Variants in DEPTOR observed in about 807,000 individuals in gnomAD.
DEPTOR encodes the protein DEP domain containing MTOR interacting protein.
Under a neutral mutation model 41.6 loss-of-function variants are expected in DEPTOR, and 41 were observed. The observed-to-expected ratio is 0.98, with a 90% CI of 0.77 to 1.28. The LOEUF is 1.28. DEPTOR is among the 50% of genes most tolerant of loss of function. The pLI is 0.00. For synonymous variants in DEPTOR, 195 were observed against 192.3 expected (o/e 1.01, Z -0.12); for missense variants, 514 against 527.9 (o/e 0.97, Z 0.26).
At chr8:119,900,896 C>A (rs1387877898) in intron 1 of DEPTOR, among the ~76,000 whole-genome samples, 1 of 152,140 alleles carries the variant, frequency 6.6e-6, no homozygotes, top group Non-Finnish European at 1.5e-5. Context: ...TCTATTTTTG[C>A]AACTCCCACA....
At chr8:119,991,084 TTCTTTTTCTTTC>T (rs1335835262) in intron 4 of DEPTOR, among the ~76,000 whole-genome samples, 73 of 75,684 alleles carry the variant, frequency 9.6e-4, no homozygotes, top group African/African-American at 2.9e-3. Context: ...CTTTCTTTCT[TTCTTTTTCTTTC>T]TTTCTTTCTT....
At chr8:119,903,612 A>C in intron 1 of DEPTOR, among the ~76,000 whole-genome samples, 1 of 152,146 alleles carries the variant, frequency 6.6e-6, no homozygotes, top group East Asian at 1.9e-4. Context: ...TTGGTATTAG[A>C]TCAGGGATGA....
intron 4 of DEPTOR, among the ~76,000 whole-genome samples, chr8:119,983,816 G>GT (rs1563582071): frequency 6.6e-6 from 1 of 151,834 alleles, no homozygotes; most frequent in Non-Finnish European, 1.5e-5. Flanking sequence ...TATAAAGACA[G>GT]TTAAAAAAAA....
intron 2 of DEPTOR, among the ~76,000 whole-genome samples, chr8:119,928,832 C>T (rs1473330488): frequency 6.8e-6 from 1 of 147,274 alleles, no homozygotes; most frequent in Non-Finnish European, 1.5e-5. Flanking sequence ...TTTGGGTGAT[C>T]TGCCCGCCTC....
At chr8:119,939,915 A>G (rs1467495856) in intron 3 of DEPTOR, among the ~76,000 whole-genome samples, 1 of 152,170 alleles carries the variant, frequency 6.6e-6, no homozygotes, top group Non-Finnish European at 1.5e-5. Flanking sequence ...GTGTCTTAAA[A>G]AAGTAAACAT....
intron 4 of DEPTOR, among the ~76,000 whole-genome samples, chr8:119,971,016 G>T (rs1828625124): frequency 6.6e-6 from 1 of 152,140 alleles, no homozygotes; most frequent in African/African-American, 2.4e-5. Flanking sequence ...GGATCACAAG[G>T]TCGGGAGATC....
At chr8:119,933,372 C>T (rs1466453932) in intron 3 of DEPTOR, among the ~76,000 whole-genome samples, 23 of 151,500 alleles carry the variant, frequency 1.5e-4, no homozygotes, top group Admixed American at 1.5e-3. Flanking sequence ...CACCTGTAAT[C>T]CCAGCTACTT....
intron 4 of DEPTOR, among the ~76,000 whole-genome samples, chr8:119,975,786 T>C (rs1164896398): frequency 6.6e-6 from 1 of 151,248 alleles, no homozygotes; most frequent in Non-Finnish European, 1.5e-5. Flanking sequence ...CAGGGGAGCG[T>C]CTAACAGTGC....
intron 3 of DEPTOR, among the ~76,000 whole-genome samples, chr8:119,933,500 A>ACACACACAC (rs35710269): frequency 6.8e-6 from 1 of 147,172 alleles, no homozygotes; most frequent in East Asian, 2.0e-4. Context: ...ACACACACAC[A>ACACACACAC]ATGTTTATTA....
chr8:119,905,676 G>A (rs1827653920), intron 1 of DEPTOR, among the ~76,000 whole-genome samples: 2 of 150,592 alleles, frequency 1.3e-5, no homozygotes, highest in Non-Finnish European at 2.9e-5. Context: ...TGTTGCCCAG[G>A]ATGAAGTACA....
At chr8:119,926,107 T>C (rs1049286049) in intron 1 of DEPTOR, among the ~76,000 whole-genome samples, 1 of 152,204 alleles carries the variant, frequency 6.6e-6, no homozygotes, top group Non-Finnish European at 1.5e-5. Context: ...TTTTAAAAAA[T>C]TATTTTCCTT....
chr8:120,014,530 T>G (rs1812580837), intron 8 of DEPTOR, among the ~76,000 whole-genome samples: 1 of 152,068 alleles, frequency 6.6e-6, no homozygotes, highest in Non-Finnish European at 1.5e-5. Flanking sequence ...CCAAGCTATT[T>G]TTTTTTCCCT....
intron 8 of DEPTOR, among the ~76,000 whole-genome samples, chr8:120,014,078 T>C (rs1342364652): frequency 6.6e-6 from 1 of 152,158 alleles, no homozygotes; most frequent in Non-Finnish European, 1.5e-5. Context: ...GAATTTGAGC[T>C]ACTCTTATTT....
chr8:119,980,699 A>G (rs1828756468), intron 4 of DEPTOR, among the ~76,000 whole-genome samples: 1 of 151,238 alleles, frequency 6.6e-6, no homozygotes, highest in South Asian at 2.1e-4. Context: ...TGTATTTTTA[A>G]CAGAGACAGG....
chr8:119,971,915 A>T (rs1828638494), intron 4 of DEPTOR, among the ~76,000 whole-genome samples: 1 of 152,118 alleles, frequency 6.6e-6, no homozygotes, highest in Admixed American at 6.6e-5. Context: ...CATAAATCAC[A>T]CTGTTTGTAC....
At chr8:120,032,806 T>C (rs1436851887) in intron 8 of DEPTOR, among the ~76,000 whole-genome samples, 1 of 152,240 alleles carries the variant, frequency 6.6e-6, no homozygotes, top group Non-Finnish European at 1.5e-5. Context: ...AAATTCTTTC[T>C]GGCCAACTTG....
At chr8:119,964,996 C>T (rs1828538530) in intron 3 of DEPTOR, among the ~76,000 whole-genome samples, 1 of 151,952 alleles carries the variant, frequency 6.6e-6, no homozygotes, top group Non-Finnish European at 1.5e-5. Context: ...TTGCTTGAAC[C>T]CAGGAGGCGG....
At chr8:119,909,272 G>A (rs915224705) in intron 1 of DEPTOR, among the ~76,000 whole-genome samples, 7 of 152,174 alleles carry the variant, frequency 4.6e-5, no homozygotes, top group Admixed American at 4.6e-4. Flanking sequence ...CTTGCCAAGT[G>A]CCACCCCAGT....
intron 1 of DEPTOR, among the ~76,000 whole-genome samples, chr8:119,921,126 GCCACCACA>G (rs1827887425): frequency 6.6e-6 from 1 of 152,086 alleles, no homozygotes; most frequent in South Asian, 2.1e-4. Context: ...AAAGGCATGT[GCCACCACA>G]CCCAGCTAAT....
Sources: allele counts gnomAD v4.1 joint callset (sites outside exome capture counted in the v4.1 genomes callset), GRCh38; gene constraint gnomAD v4.1.1; transcripts MANE v1.5; gene names NCBI Gene and HGNC (gene_info 2026-07-23, HGNC 2026-07-21).